The following RERE variants were observed in gnomAD, a reference collection of about 807,000 sequenced individuals.
The protein encoded by RERE is arginine-glutamic acid dipeptide repeats protein.
A neutral mutation model predicts 146.1 loss-of-function variants in RERE; 40 were observed. The ratio of observed to expected loss-of-function variants is 0.27; its 90% CI spans 0.21 to 0.36. RERE has a LOEUF of 0.36. Among genes scored for constraint, RERE ranks in the 10% least tolerant of loss-of-function variants. The pLI, the probability that RERE is intolerant of heterozygous loss-of-function variation, is 1.00. For synonymous variants in RERE, 1,003 were observed against 866.0 expected (o/e 1.16, Z -2.78); for missense variants, 1,933 against 2,138.7 (o/e 0.90, Z 1.90).
rs1028748486 is a variant in RERE, at chr1:8,356,950, CG to C, written c.4340-705del. On this transcript the variant is annotated intron_variant, in intron 20 of 22. Coordinates refer to ENST00000400908, the MANE Select transcript of RERE (RefSeq NM_001042681.2). This position sits in a 1 kb window ranked among gnomAD's most constrained non-coding sequence, Gnocchi z 5.2. ...TCTGCCTCTGTGGCTGCTCTTGCCCCGATTTCCCACAGCTTGCCCTTTCATC... is the reference window on the plus strand; with the variant it reads ...TCTGCCTCTGTGGCTGCTCTTGCCCCATTTCCCACAGCTTGCCCTTTCATC... Among the ~76,000 whole-genome samples the C allele has an allele frequency of 6.6e-6, 1 of 152,186 alleles. No homozygotes were observed. The highest frequency in any genetic ancestry group is 2.4e-5 in the African/African-American group (1 of 41,432).
chr1:8,806,174 C>CAA (rs1188981318), intron 1 of RERE, among the ~76,000 whole-genome samples: 1 of 151,864 alleles, frequency 6.6e-6, no homozygotes, highest in Non-Finnish European at 1.5e-5. Flanking sequence ...TTTGATTATT[C>CAA]AAATAACTAA....
At chr1:8,502,069 C>G (rs1353355495) in intron 8 of RERE, among the ~76,000 whole-genome samples, 1 of 87,188 alleles carries the variant, frequency 1.1e-5, no homozygotes, top group African/African-American at 4.2e-5. Context: ...CCAGCCGCCC[C>G]GTCCGGGAGG....
At chr1:8,722,971 G>A (rs1350822247) in intron 1 of RERE, among the ~76,000 whole-genome samples, 1 of 152,122 alleles carries the variant, frequency 6.6e-6, no homozygotes, top group Admixed American at 6.6e-5. Flanking sequence ...TATTTGACAT[G>A]GAAATTCAAT....
Position 8,416,598 on chromosome 1 carries a change from A to AAAAAAAG in RERE, c.1284+6128_1284+6129insCTTTTTT, listed in dbSNP as rs1419532157. On this transcript the variant is annotated intron_variant, in intron 12 of 22. Coordinates refer to ENST00000400908, the MANE Select transcript of RERE (RefSeq NM_001042681.2). The stretch of plus-strand genomic sequence containing the variant: ...GAGACTCCATCTCCAAAAAAAAAAA[A>AAAAAAAG]AAAAGAAAAGAAAAGAAAAGAAAAG... 6.9e-3 allele frequency among the ~76,000 whole-genome samples: 1,020 copies of AAAAAAAG among 147,690 alleles called. 13 individuals carry two copies. Among genetic ancestry groups the AAAAAAAG allele is most frequent in the African/African-American group, 0.024 (965 of 39,566 alleles).
intron 12 of RERE, among the ~76,000 whole-genome samples, chr1:8,369,890 C>T (rs1011215555): frequency 1.2e-4 from 19 of 152,196 alleles, no homozygotes; most frequent in Non-Finnish European, 2.2e-4. Flanking sequence ...CCCGGGTTCA[C>T]GCCATTCTCC....
intron 1 of RERE, among the ~76,000 whole-genome samples, chr1:8,777,008 A>C (rs1457169027): frequency 6.6e-6 from 1 of 152,066 alleles, no homozygotes; most frequent in Non-Finnish European, 1.5e-5. Flanking sequence ...AAATGCAAGG[A>C]TTACAGGCAT....
intron 1 of RERE, among the ~76,000 whole-genome samples, chr1:8,694,980 G>GA (rs200691526): frequency 3.0e-5 from 4 of 134,514 alleles, no homozygotes; most frequent in Non-Finnish European, 4.8e-5. Flanking sequence ...CTAAGGGGGG[G>GA]GGGGGAATGC....
intron 1 of RERE, among the ~76,000 whole-genome samples, chr1:8,789,291 A>AT (rs1283121682): frequency 1.2e-5 from 1 of 85,034 alleles, no homozygotes; most frequent in Admixed American, 1.3e-4. Flanking sequence ...CCAAAAAAAA[A>AT]AAAAAAAAAA....
rs1644815668 is a variant in RERE, at chr1:8,480,184, G to A, written c.1105-14161C>T. The stretch of plus-strand genomic sequence containing the variant: ...AGACACAGTCTCGCTCTGTTGCCCA[G>A]GCTGCAGTGCACTGATGTCATCTCG... On this transcript the variant is annotated intron_variant, in intron 10 of 22. Transcript: ENST00000400908. Among the ~76,000 whole-genome samples, 7 of 143,396 alleles carry A rather than the reference G, an allele frequency of 4.9e-5. No individual in the cohort carries two copies. In the South Asian group the frequency reaches 1.6e-3, roughly 32 times the overall value. 94.1% of individuals were successfully genotyped at this position (143,396 alleles called of 152,430 possible). A position where few individuals can be genotyped will look rare whatever the true frequency, so the allele number is the denominator to read the frequency against.
intron 10 of RERE, among the ~76,000 whole-genome samples, chr1:8,475,631 G>T (rs375769554): frequency 6.6e-6 from 1 of 151,340 alleles, no homozygotes; most frequent in East Asian, 1.9e-4. Context: ...GCAGTGAGCC[G>T]AGATCACGCC....
At chr1:8,548,087 C>T (rs1047476259) in intron 6 of RERE, among the ~76,000 whole-genome samples, 3 of 152,078 alleles carry the variant, frequency 2.0e-5, no homozygotes, top group Admixed American at 6.6e-5. Flanking sequence ...GTGAAAAGAG[C>T]AAAGTACAAA....
At chr1:8,544,628 T>G (rs1452705708) in intron 6 of RERE, among the ~76,000 whole-genome samples, 1 of 152,084 alleles carries the variant, frequency 6.6e-6, no homozygotes, top group Non-Finnish European at 1.5e-5. Context: ...GGTGGGAAGT[T>G]TTTAGAGGGA....
rs539967480 is a variant in RERE, at chr1:8,462,704, C to T, written c.1203+3221G>A. ...TCAAGACTGTTGTAGTCAGATCAGA[C>T]ACTGGGTAGTTAGAACAAATTAATA... On this transcript the variant is annotated intron_variant, in intron 11 of 22. Transcript: ENST00000400908. Among the ~76,000 whole-genome samples the T allele has an allele frequency of 5.3e-5, 8 of 152,304 alleles. No homozygotes were observed. The East Asian group carries it at 1.4e-3, about 26-fold the overall frequency.
chr1:8,388,287 T>C lies in RERE; in HGVS notation c.1285-22313A>G, dbSNP rs558960264. 2.6e-5 allele frequency among the ~76,000 whole-genome samples: 4 copies of C among 151,654 alleles called. No individual in the cohort carries two copies. The South Asian group carries it at 6.3e-4, about 24-fold the overall frequency. On this transcript the variant is annotated intron_variant, in intron 12 of 22. Coordinates refer to ENST00000400908, the MANE Select transcript of RERE (RefSeq NM_001042681.2). ...ATCTTTGCGTGGAAAGGACAGGGGATTGCACCGGAGAGGAAACAGTCTGTG... is the reference window on the plus strand; with the variant it reads ...ATCTTTGCGTGGAAAGGACAGGGGACTGCACCGGAGAGGAAACAGTCTGTG...
chr1:8,759,588 T>G (rs1256784181), intron 1 of RERE, among the ~76,000 whole-genome samples: 1 of 152,186 alleles, frequency 6.6e-6, no homozygotes, highest in African/African-American at 2.4e-5. Flanking sequence ...AGAATACGGT[T>G]TAGCACAGTT....
chr1:8,646,819 T>C (rs1647331195), intron 2 of RERE, among the ~76,000 whole-genome samples: 1 of 152,144 alleles, frequency 6.6e-6, no homozygotes, highest in Non-Finnish European at 1.5e-5. Flanking sequence ...CCTTCCCTGG[T>C]GCCTTCAGAG....
chr1:8,487,139 T>C, intron 10 of RERE, among the ~76,000 whole-genome samples: 1 of 152,148 alleles, frequency 6.6e-6, no homozygotes, highest in East Asian at 1.9e-4. Flanking sequence ...TCAATGTAAT[T>C]CACTATATTA....
intron 6 of RERE, among the ~76,000 whole-genome samples, chr1:8,542,593 C>A (rs1456864146): frequency 6.6e-6 from 1 of 152,190 alleles, no homozygotes; most frequent in Non-Finnish European, 1.5e-5. Context: ...GAGGCTACGA[C>A]AGGAGGATTA....
At chr1:8,417,985 G>A (rs1037246020) in intron 12 of RERE, among the ~76,000 whole-genome samples, 2 of 152,028 alleles carry the variant, frequency 1.3e-5, no homozygotes, top group Admixed American at 6.5e-5. Flanking sequence ...TTCAAACACC[G>A]CCCCTCCAAT....
Sources: allele counts gnomAD v4.1 joint callset (sites outside exome capture counted in the v4.1 genomes callset), GRCh38; gene constraint gnomAD v4.1.1; non-coding constraint Gnocchi (gnomAD v3.1); transcripts MANE v1.5; gene names NCBI Gene and HGNC (gene_info 2026-07-23, HGNC 2026-07-21).